Variants in KPNA4 observed in about 807,000 individuals in gnomAD.
The protein encoded by KPNA4 is karyopherin subunit alpha 4, also known as importin subunit alpha-3.
KPNA4 carries 13 observed loss-of-function variants against 71.3 expected under a neutral mutation model. The ratio of observed to expected loss-of-function variants is 0.18; its 90% CI spans 0.12 to 0.29. The LOEUF (loss-of-function observed/expected upper bound fraction) is 0.29, where lower values mean the gene tolerates loss of function less well. Among genes scored for constraint, KPNA4 ranks in the 10% least tolerant of loss-of-function variants. The pLI is 1.00. For missense variants in KPNA4, 334 were observed against 603.2 expected (o/e 0.55, Z 4.67); for synonymous variants, 189 against 195.2 (o/e 0.97, Z 0.26).
rs375424678 is a variant in KPNA4, at chr3:160,535,622, A to G, written c.234+39T>C. 6.3e-6 allele frequency: 10 copies of G among 1,588,810 alleles called. No homozygotes were observed. The African/African-American group carries it at 1.2e-4, about 19-fold the overall frequency. ...TATATCACGATTAGCTGTTGAGGAC[A>G]AGAAATGCAAATGAAGAGAGGGAAA... On this transcript the variant is annotated intron_variant, in intron 4 of 16. Coordinates refer to ENST00000334256, the MANE Select transcript of KPNA4 (RefSeq NM_002268.5).
intron 11 of KPNA4, 99 bp downstream of exon 11, chr3:160,521,680 G>T: frequency 9.4e-7 from 1 of 1,060,598 alleles, no homozygotes; most frequent in Non-Finnish European, 1.4e-6. Flanking sequence ...GTTATGCTAA[G>T]AATATACTTT....
At chr3:160,512,957 T>C (rs1253370551) in intron 13 of KPNA4, among the ~76,000 whole-genome samples, 1 of 152,188 alleles carries the variant, frequency 6.6e-6, no homozygotes, top group African/African-American at 2.4e-5. Flanking sequence ...CTAACAAGGA[T>C]CATCAATGGC....
rs115464858 is a variant in KPNA4 at position 160,506,108 on chromosome 3, C to T, written c.1373-1056G>A. Among the ~76,000 whole-genome samples, 971 of 152,212 alleles carry T rather than the reference C, an allele frequency of 6.4e-3. 10 individuals carry two copies. The highest frequency in any genetic ancestry group is 0.022 in the African/African-American group (903 of 41,524). On this transcript the variant is annotated intron_variant, in intron 15 of 16. Coordinates refer to ENST00000334256, the MANE Select transcript of KPNA4 (RefSeq NM_002268.5). Reference sequence around the variant, plus strand: ...TCCACTGGACTTTAAATCTCCTCATCTCCCCTTTGTCTCTATTATTACTGC... The same window carrying T: ...TCCACTGGACTTTAAATCTCCTCATTTCCCCTTTGTCTCTATTATTACTGC...
In KPNA4 at chr3:160,514,199, T is replaced by A; in HGVS notation, c.1033-18A>T. The stretch of plus-strand genomic sequence containing the variant: ...ACTGCTTCCTGTAGAACAAGAGCAT[T>A]TGAATATTTCTCATTAAAAAATAAA... On this transcript the variant is annotated intron_variant, in intron 12 of 16. Transcript: ENST00000334256. The A allele has an allele frequency of 6.5e-7, 1 of 1,548,486 alleles. No individual in the cohort carries two copies. The highest frequency in any genetic ancestry group is 8.7e-7 in the Non-Finnish European group (1 of 1,142,926).
rs562376878 is a variant in KPNA4, at chr3:160,560,091, A to G, written c.69+5123T>C. ...AAAAGAAAACATTTACTGAATACCTATTATACCCCGTGGACTATGCTCAGT... is the reference window on the plus strand; with the variant it reads ...AAAAGAAAACATTTACTGAATACCTGTTATACCCCGTGGACTATGCTCAGT... On this transcript the variant is annotated intron_variant, in intron 1 of 16. Transcript: ENST00000334256. Among the ~76,000 whole-genome samples, 19 of 152,250 alleles carry G rather than the reference A, an allele frequency of 1.2e-4. 1 individual carries two copies. The highest frequency in any genetic ancestry group is 4.6e-4 in the African/African-American group (19 of 41,556).
chr3:160,496,393 T>C lies in KPNA4; in HGVS notation c.*5711A>G, dbSNP rs1427412318. ...ATTATCTGGAAGGTAGGTAACTGGA[T>C]TGAGAACCACAAAAAGCATGTAGAT... On this transcript the variant is annotated 3_prime_UTR_variant, in exon 17 of 17. Coordinates refer to ENST00000334256, the MANE Select transcript of KPNA4 (RefSeq NM_002268.5). The C allele has an allele frequency of 6.6e-6, 1 of 152,156 alleles. No individual in the cohort carries two copies. Among genetic ancestry groups the C allele is most frequent in the Admixed American group, 6.6e-5 (1 of 15,262 alleles). 9.4% of individuals were successfully genotyped at this position (152,156 alleles called of 1,614,324 possible).
At chr3:160,547,470 G>A (rs1721946095) in intron 1 of KPNA4, among the ~76,000 whole-genome samples, 1 of 152,090 alleles carries the variant, frequency 6.6e-6, no homozygotes, top group South Asian at 2.1e-4. Flanking sequence ...AGTACAGACA[G>A]TTCCCATATA....
chr3:160,541,814 T>C (rs1340091006), intron 1 of KPNA4, among the ~76,000 whole-genome samples: 2 of 152,130 alleles, frequency 1.3e-5, no homozygotes, highest in Admixed American at 6.6e-5. Context: ...ACTGCATATC[T>C]ATGCCCTTAA....
intron 5 of KPNA4, among the ~76,000 whole-genome samples, chr3:160,533,535 T>A (rs976295523): frequency 4.3e-4 from 66 of 152,020 alleles, no homozygotes; most frequent in African/African-American, 1.3e-3. Flanking sequence ...AAATTTAATT[T>A]AAAAAATTTT....
chr3:160,515,155 A>G (rs774445830), intron 12 of KPNA4: 2 of 527,466 alleles, frequency 3.8e-6, no homozygotes, highest in South Asian at 2.8e-5. Context: ...CACTAAACTT[A>G]TAAGAATTAC....
Position 160,499,650 on chromosome 3 carries a change from T to C in KPNA4, c.*2454A>G, listed in dbSNP as rs1271210272. 6.6e-6 allele frequency: 1 copy of C among 152,174 alleles called. No homozygotes were observed. Among genetic ancestry groups the C allele is most frequent in the Non-Finnish European group, 1.5e-5 (1 of 68,016 alleles). 9.4% of individuals were successfully genotyped at this position (152,174 alleles called of 1,614,324 possible). ...TATTTAAACGATAAGGTAGTCCTTA[T>C]ACCCAGAGATATTAATATCACCCTT... On this transcript the variant is annotated 3_prime_UTR_variant, in exon 17 of 17. Coordinates refer to ENST00000334256, the MANE Select transcript of KPNA4 (RefSeq NM_002268.5).
chr3:160,563,446 T>C lies in KPNA4; in HGVS notation c.69+1768A>G, dbSNP rs146221618. On this transcript the variant is annotated intron_variant, in intron 1 of 16. Transcript: ENST00000334256. ...TTGGGGCCGTGAAAATGTTCTAAGA[T>C]GGACTGTGGTGATGGTTGCAAAACT... 4.5e-4 allele frequency among the ~76,000 whole-genome samples: 68 copies of C among 152,258 alleles called. No homozygotes were observed. The East Asian group carries it at 0.01, about 23-fold the overall frequency.
chr3:160,505,077 AC>A, intron 15 of KPNA4, 25 bp from the exon 16 acceptor site: 1 of 1,263,036 alleles, frequency 7.9e-7, no homozygotes. Flanking sequence ...GCAATGTGAA[AC>A]AATAGTAATA....
At chr3:160,554,608 A>G (rs1052396040) in intron 1 of KPNA4, among the ~76,000 whole-genome samples, 8 of 152,194 alleles carry the variant, frequency 5.3e-5, no homozygotes, top group African/African-American at 9.6e-5. Flanking sequence ...TGATCACTGG[A>G]AAGACCAAGA....
At chr3:160,536,162 C>A (rs1721689640) in intron 2 of KPNA4, among the ~76,000 whole-genome samples, 1 of 151,882 alleles carries the variant, frequency 6.6e-6, no homozygotes. Flanking sequence ...AAAACAAAAA[C>A]AAAAGTTTGA....
chr3:160,545,220 C>A (rs1721880615), intron 1 of KPNA4, among the ~76,000 whole-genome samples: 1 of 152,138 alleles, frequency 6.6e-6, no homozygotes, highest in Non-Finnish European at 1.5e-5. Flanking sequence ...AACTTAGCAA[C>A]AGAAAAATCT....
Position 160,515,274 on chromosome 3 carries a change from G to A in KPNA4, c.1032+178C>T, listed in dbSNP as rs557690504. The A allele has an allele frequency of 2.9e-4, 198 of 680,684 alleles. 5 individuals are homozygous for A. The South Asian group carries it at 3.2e-3, about 11-fold the overall frequency. 42.2% of individuals were successfully genotyped at this position (680,684 alleles called of 1,614,324 possible). ...TTGCACTTTTCATAACTGGTTTTAT[G>A]TATGAAAAAATTATTAATGCTTGTT... On this transcript the variant is annotated intron_variant, in intron 12 of 16. Transcript: ENST00000334256.
At chr3:160,552,597 G>A (rs186726393) in intron 1 of KPNA4, among the ~76,000 whole-genome samples, 11 of 152,256 alleles carry the variant, frequency 7.2e-5, no homozygotes, top group Non-Finnish European at 8.8e-5. Flanking sequence ...TATCATCAGT[G>A]CTCTTAAGGA....
chr3:160,518,297 G>A (rs1302081023), intron 11 of KPNA4, among the ~76,000 whole-genome samples: 9 of 151,220 alleles, frequency 6.0e-5, no homozygotes, highest in Non-Finnish European at 5.9e-5. Flanking sequence ...TACCACGCCC[G>A]GCTAATTTTT....
Sources: gnomAD v4.1 joint callset for allele counts (sites outside exome capture counted in the v4.1 genomes callset) on GRCh38, gnomAD v4.1.1 for gene constraint, MANE v1.5 for transcripts, NCBI Gene and HGNC (gene_info 2026-07-23, HGNC 2026-07-21) for gene names.